Variants in METTL15 observed in about 807,000 individuals in gnomAD.
METTL15 encodes methyltransferase 15, mitochondrial 12S rRNA N4-cytidine, also known as 12S rRNA N(4)-cytidine methyltransferase METTL15.
A neutral mutation model predicts 38.3 loss-of-function variants in METTL15; 34 were observed. That is an observed-to-expected ratio of 0.89 (90% CI 0.68 to 1.18). The LOEUF is 1.18. Among genes scored for constraint, METTL15 ranks in the 50% most tolerant of loss-of-function variants. The pLI is 0.00. For synonymous variants in METTL15, 162 were observed against 170.9 expected, an observed-to-expected ratio of 0.95 and a Z score of 0.41; for missense variants, 438 against 498.4, an observed-to-expected ratio of 0.88 and a Z score of 1.15.
At chr11:28,461,488 A>G (rs1364385611) in intron 6 of METTL15, among the ~76,000 whole-genome samples, 1 of 152,046 alleles carries the variant, frequency 6.6e-6, no homozygotes, top group Admixed American at 6.6e-5. Context: ...TGGTCTCAAG[A>G]GAGGAGGGAA....
At chr11:28,219,811 G>A (rs929624469) in intron 4 of METTL15, among the ~76,000 whole-genome samples, 4 of 152,198 alleles carry the variant, frequency 2.6e-5, no homozygotes, top group Middle Eastern at 3.4e-3. Context: ...CCTTCATTTA[G>A]TTATGTACCC....
intron 6 of METTL15, among the ~76,000 whole-genome samples, chr11:28,495,395 G>T (rs10835347): frequency 0.41 from 62,359 of 151,956 alleles, 14,399 homozygotes; most frequent in Admixed American, 0.53. Context: ...GGACAGACTA[G>T]ATTTGATCTT....
chr11:28,222,095 T>G (rs1413526985), intron 4 of METTL15, among the ~76,000 whole-genome samples: 1 of 152,190 alleles, frequency 6.6e-6, no homozygotes, highest in Non-Finnish European at 1.5e-5. Flanking sequence ...GACAGGGATA[T>G]TTAAGTCTGC....
downstream of METTL15, among the ~76,000 whole-genome samples, chr11:28,334,617 C>T (rs1423160631): frequency 6.6e-6 from 1 of 151,972 alleles, no homozygotes; most frequent in Non-Finnish European, 1.5e-5. Flanking sequence ...AAAATCAACC[C>T]TATATTCTAA....
chr11:28,250,556 C>G (rs1854696663), intron 4 of METTL15, among the ~76,000 whole-genome samples: 2 of 72,174 alleles, frequency 2.8e-5, no homozygotes, highest in Non-Finnish European at 7.3e-5. Flanking sequence ...AGAAGTTACT[C>G]TCCTTTTTTT....
chr11:28,143,652 CT>C (rs1849777630), intron 3 of METTL15, among the ~76,000 whole-genome samples: 1 of 152,124 alleles, frequency 6.6e-6, no homozygotes, highest in Non-Finnish European at 1.5e-5. Flanking sequence ...CCAGATGTTC[CT>C]TTGATGCCTT....
intron 3 of METTL15, among the ~76,000 whole-genome samples, chr11:28,125,356 A>G (rs1044684085): frequency 2.0e-5 from 3 of 152,102 alleles, no homozygotes; most frequent in Non-Finnish European, 2.9e-5. Flanking sequence ...TAAGTTGTGT[A>G]GGGTCAAATT....
intron 3 of METTL15, among the ~76,000 whole-genome samples, chr11:28,149,008 A>T (rs1373647122): frequency 6.6e-6 from 1 of 151,964 alleles, no homozygotes. Context: ...TTGGTACCAC[A>T]TTGTTTAGCA....
At chr11:28,448,509 A>G (rs1851093122) in intron 6 of METTL15, among the ~76,000 whole-genome samples, 1 of 152,182 alleles carries the variant, frequency 6.6e-6, no homozygotes, top group Non-Finnish European at 1.5e-5. Flanking sequence ...GGCTGGGACC[A>G]TCATGCCCCA....
At chr11:28,502,627 T>C (rs1851594262) in intron 6 of METTL15, among the ~76,000 whole-genome samples, 12 of 152,240 alleles carry the variant, frequency 7.9e-5, no homozygotes, top group Admixed American at 7.9e-4. Context: ...TTATAAGATA[T>C]GAATACAATT....
chr11:28,381,617 C>T (rs910378746), intron 5 of METTL15, among the ~76,000 whole-genome samples: 2 of 152,026 alleles, frequency 1.3e-5, no homozygotes, highest in East Asian at 1.9e-4. Context: ...CTGATTCTTT[C>T]CTCTGCTAGA....
At chr11:28,324,638 C>T (rs566321908) in intron 6 of METTL15, among the ~76,000 whole-genome samples, 1 of 152,290 alleles carries the variant, frequency 6.6e-6, no homozygotes, top group Admixed American at 6.5e-5. Context: ...CAAAAAGTAG[C>T]ATAGAGGACT....
intron 4 of METTL15, among the ~76,000 whole-genome samples, chr11:28,242,876 A>G (rs1052682690): frequency 1.3e-5 from 2 of 152,096 alleles, no homozygotes; most frequent in Non-Finnish European, 2.9e-5. Context: ...GCAGAGACCA[A>G]ATTTTTTACA....
chr11:28,400,423 A>G (rs1239781571), intron 5 of METTL15, among the ~76,000 whole-genome samples: 2 of 151,920 alleles, frequency 1.3e-5, no homozygotes, highest in Non-Finnish European at 2.9e-5. Flanking sequence ...AACCATAGGG[A>G]TTGCTGAGTC....
chr11:28,156,104 G>A (rs1262820537), intron 3 of METTL15, among the ~76,000 whole-genome samples: 1 of 152,152 alleles, frequency 6.6e-6, no homozygotes, highest in African/African-American at 2.4e-5. Flanking sequence ...TGTGTCTAAT[G>A]TGTTATTATT....
At chr11:28,423,532 T>C (rs1243705822) in intron 5 of METTL15, among the ~76,000 whole-genome samples, 5 of 152,058 alleles carry the variant, frequency 3.3e-5, no homozygotes, top group Non-Finnish European at 5.9e-5. Flanking sequence ...TAAAAAATAA[T>C]GAGACCCTAT....
intron 3 of METTL15, among the ~76,000 whole-genome samples, chr11:28,342,231 C>T (rs1849959092): frequency 6.6e-6 from 1 of 151,802 alleles, no homozygotes; most frequent in African/African-American, 2.4e-5. Flanking sequence ...AGTTGTGCAC[C>T]CATTCTTCGA....
At chr11:28,299,325 C>A (rs1157187537) in intron 6 of METTL15, among the ~76,000 whole-genome samples, 30 of 151,910 alleles carry the variant, frequency 2.0e-4, no homozygotes, top group Admixed American at 2.0e-3. Context: ...TGATTTTAGT[C>A]TTTTATAATT....
At chr11:28,342,002 ACATT>A (rs1327853252) in intron 3 of METTL15, among the ~76,000 whole-genome samples, 2 of 152,162 alleles carry the variant, frequency 1.3e-5, no homozygotes, top group African/African-American at 4.8e-5. Flanking sequence ...TTTTTAAAAA[ACATT>A]CATGAGAAAA....
Sources: allele counts gnomAD v4.1 joint callset (sites outside exome capture counted in the v4.1 genomes callset), GRCh38; gene constraint gnomAD v4.1.1; transcripts MANE v1.5; gene names NCBI Gene and HGNC (gene_info 2026-07-23, HGNC 2026-07-21).